The following DNAH17 variants were observed in gnomAD, a reference collection of about 807,000 sequenced individuals.
DNAH17 encodes the protein dynein axonemal heavy chain 17, also known as axonemal beta dynein heavy chain 17.
A neutral mutation model predicts 485.6 loss-of-function variants in DNAH17; 376 were observed. The ratio of observed to expected loss-of-function variants is 0.77; its 90% confidence interval spans 0.71 to 0.84. The LOEUF is 0.84. Ranked by LOEUF, DNAH17 falls within the 40% of genes least tolerant of loss-of-function variation. The pLI is 0.00. For missense variants in DNAH17, 6,370 were observed against 5,839.3 expected (o/e 1.09, Z -2.96); for synonymous variants, 3,031 against 2,405.9 (o/e 1.26, Z -7.60).
At chr17:78,508,855 G>A (rs1221313494) in intron 27 of DNAH17, among the ~76,000 whole-genome samples, 10 of 151,774 alleles carry the variant, frequency 6.6e-5, no homozygotes, top group Non-Finnish European at 2.9e-5. Context: ...AGGCTGGAGT[G>A]CAGCAGCATG....
At chr17:78,480,036 T>TAAGAA (rs1568122317) in intron 49 of DNAH17, among the ~76,000 whole-genome samples, 1 of 73,776 alleles carries the variant, frequency 1.4e-5, no homozygotes, top group African/African-American at 7.9e-5. Context: ...TTTTTTTTTT[T>TAAGAA]TTTTTTTTTT....
Position 78,450,284 on chromosome 17 carries a change from T to G in DNAH17, c.11010A>C (p.Lys3670Asn). The stretch of plus-strand genomic sequence containing the variant: ...GGGAGAACTGGTAGACGGGGTTGAT[T>G]TTGTTGAGATCGTTCAGTATGAAGT... Reference protein sequence around the residue: ...LLYFILNDLNKINPVYQFSLK... With the variant: ...LLYFILNDLNNINPVYQFSLK... Residue 3670 changes from lysine (K) to asparagine (N), a missense_variant, in exon 68 of 81, where the codon AAA becomes AAC. By Grantham distance (94) the Lys-to-Asn change is moderately conservative. Coordinates refer to ENST00000389840, the MANE Select transcript of DNAH17 (RefSeq NM_173628.4). The G allele has an allele frequency of 1.2e-6, 2 of 1,613,852 alleles. No homozygotes were observed. The highest frequency in any genetic ancestry group is 1.7e-6 in the Non-Finnish European group (2 of 1,179,858).
intron 56 of DNAH17, among the ~76,000 whole-genome samples, chr17:78,463,363 T>TGCACAC (rs1384047043): frequency 1.3e-5 from 2 of 152,166 alleles, no homozygotes; most frequent in African/African-American, 4.8e-5. Context: ...CACACACACG[T>TGCACAC]ATATGTGCAC....
At chr17:78,570,115 G>A in intron 7 of DNAH17, 132 bp downstream of exon 7, 2 of 1,084,392 alleles carry the variant, frequency 1.8e-6, no homozygotes, top group Non-Finnish European at 2.6e-6. Context: ...CTCGGGGCCT[G>A]AAAAGGCTTG....
In DNAH17 at chr17:78,492,736, C is replaced by G. The variant is rs1032395061; in HGVS notation, c.6438G>C (p.Gln2146His). The G allele has an allele frequency of 2.5e-6, 4 of 1,612,498 alleles. No individual in the cohort carries two copies. Among genetic ancestry groups the G allele is most frequent in the Non-Finnish European group, 3.4e-6 (4 of 1,179,356 alleles). ...QVLKSLNKTY[Q>H]NLKRKPVAVD... ...CGGCGACCGGCTTCCTCTTCAGGTT[C>G]TGATAGGTCTTGTTGAGGGATTTGA... Residue 2146 changes from glutamine (Q) to histidine (H), a missense_variant, in exon 42 of 81, where the codon CAG (glutamine) becomes CAC (histidine). Physicochemically the swap from Gln to His is conservative, Grantham distance 24 (BLOSUM62 0). Transcript: ENST00000389840.
rs570886625 is a variant in DNAH17, at chr17:78,526,531, C to T, written c.3711+120G>A. The T allele has an allele frequency of 1.7e-5, 14 of 804,604 alleles. No individual in the cohort carries two copies. In the Admixed American group the frequency reaches 1.8e-4, roughly 10 times the overall value. The allele number at this position is 804,604 out of a possible 1,614,324, so 49.8% of individuals were successfully genotyped here. On this transcript the variant is annotated intron_variant, in intron 24 of 80. Coordinates refer to ENST00000389840, the MANE Select transcript of DNAH17 (RefSeq NM_173628.4). ...GCATACACATAAGAGCACTCGTGCA[C>T]GGCCCCAAGGTCAGTCCGGCGGAGA...
intron 63 of DNAH17, 137 bp downstream of exon 63, chr17:78,455,507 A>T: frequency 1.6e-6 from 1 of 617,102 alleles, no homozygotes; most frequent in Non-Finnish European, 2.6e-6. Context: ...TTTTAAATTT[A>T]ATAGAGATGG....
rs1555650529 is a variant in DNAH17 at position 78,432,912 on chromosome 17, C to CCCCG, written c.12225+1116_12225+1117insCGGG. Among the ~76,000 whole-genome samples, 44 of 129,948 alleles carry CCCCG rather than the reference C, an allele frequency of 3.4e-4. 2 individuals are homozygous for CCCCG. The highest frequency in any genetic ancestry group is 1.3e-3 in the African/African-American group (41 of 32,692). The allele number at this position is 129,948 out of a possible 152,430, so 85.3% of individuals were successfully genotyped here. Reference sequence around the variant, plus strand: ...GCAGGCTTCAAACGTGCCCCCCCCCCCCGACCCCGGTGCCAGCACCGTTTC... The same window carrying CCCCG: ...GCAGGCTTCAAACGTGCCCCCCCCCCCCCGCCGACCCCGGTGCCAGCACCGTTTC... On this transcript the variant is annotated intron_variant, in intron 75 of 80. Coordinates refer to ENST00000389840, the MANE Select transcript of DNAH17 (RefSeq NM_173628.4).
At chr17:78,549,690 T>C (rs1486315302) in intron 16 of DNAH17, among the ~76,000 whole-genome samples, 2 of 152,188 alleles carry the variant, frequency 1.3e-5, no homozygotes, top group African/African-American at 4.8e-5. Flanking sequence ...GAGAAAGTGC[T>C]GCCCTGGTCC....
intron 66 of DNAH17, among the ~76,000 whole-genome samples, 193 bp from the exon 67 acceptor site, chr17:78,451,039 G>A (rs963047372): frequency 6.6e-6 from 1 of 152,252 alleles, no homozygotes; most frequent in Admixed American, 6.5e-5. Flanking sequence ...TCCCAGCCTT[G>A]AGGCTTCCTG....
chr17:78,468,109 C>T (rs1018740632), intron 55 of DNAH17, among the ~76,000 whole-genome samples: 6 of 150,126 alleles, frequency 4.0e-5, no homozygotes, highest in Non-Finnish European at 4.4e-5. Flanking sequence ...CACATAGAGT[C>T]GGTTGTCTGT....
chr17:78,429,589 G>A (rs139432269), intron 75 of DNAH17, among the ~76,000 whole-genome samples: 2 of 152,328 alleles, frequency 1.3e-5, no homozygotes, highest in African/African-American at 4.8e-5. Context: ...CAGCCGGCAT[G>A]CTCTGCACCT....
Position 78,486,026 on chromosome 17 carries a change from T to A in DNAH17, c.7209A>T (p.Thr2403=). ...TATCTGTCCAGGGCAGGAACTTTTT[T>A]GTGTCAGGATCAATGTAGTAGTCAA... ...TIFDYYIDPD[T]KKFLPWTDKV... The change falls in exon 46 of 81, where the codon ACA becomes ACT. Residue 2403 remains threonine (T), a synonymous_variant. Transcript: ENST00000389840. 1 of 1,613,960 alleles carries A rather than the reference T, an allele frequency of 6.2e-7. No homozygotes were observed. The highest frequency in any genetic ancestry group is 8.5e-7 in the Non-Finnish European group (1 of 1,179,894).
chr17:78,550,638 C>T (rs147710733), intron 16 of DNAH17, among the ~76,000 whole-genome samples: 19 of 152,100 alleles, frequency 1.2e-4, no homozygotes, highest in Non-Finnish European at 1.9e-4. Context: ...CCAACCCTGC[C>T]GACACCTTAA....
At chr17:78,429,986 G>T (rs562133833) in intron 75 of DNAH17, among the ~76,000 whole-genome samples, 3 of 152,280 alleles carry the variant, frequency 2.0e-5, no homozygotes, top group South Asian at 4.1e-4. Flanking sequence ...GACCAAACTC[G>T]GCAGTGTGGA....
At chr17:78,451,331 G>A in intron 66 of DNAH17, 138 bp downstream of exon 66, 3 of 711,686 alleles carry the variant, frequency 4.2e-6, no homozygotes, top group Non-Finnish European at 6.9e-6. Flanking sequence ...TGATGCCGTG[G>A]GACACACTGA....
chr17:78,459,060 C>T lies in DNAH17; in HGVS notation c.9802G>A (p.Ala3268Thr). ...VAPKRQALEE[A>T]NAELAEAQEK... Reference sequence around the variant, plus strand: ...TGTGCCTCTGCCAGCTCTGCATTAGCCTCCTCCAGTGCCTGCCTCTTGGGC... The same window carrying T: ...TGTGCCTCTGCCAGCTCTGCATTAGTCTCCTCCAGTGCCTGCCTCTTGGGC... Residue 3268 changes from alanine (A) to threonine (T), a missense_variant, in exon 61 of 81, where the codon GCT (alanine) becomes ACT (threonine). Physicochemically the swap from Ala to Thr is moderately conservative, Grantham distance 58 (BLOSUM62 0). Coordinates refer to ENST00000389840, the MANE Select transcript of DNAH17 (RefSeq NM_173628.4). The T allele has an allele frequency of 6.2e-7, 1 of 1,614,030 alleles. No homozygotes were observed. The highest frequency in any genetic ancestry group is 8.5e-7 in the Non-Finnish European group (1 of 1,179,902).
chr17:78,481,550 G>C (rs181948063), intron 48 of DNAH17, among the ~76,000 whole-genome samples: 2 of 152,280 alleles, frequency 1.3e-5, no homozygotes, highest in African/African-American at 4.8e-5. Flanking sequence ...CTGGGAAGTT[G>C]GTTAACATCT....
chr17:78,543,680 C>T, intron 17 of DNAH17, 177 bp downstream of exon 17: 2 of 919,246 alleles, frequency 2.2e-6, no homozygotes, highest in South Asian at 1.4e-5. Context: ...CCGACTCAGC[C>T]TCCCAGAGTG....
Sources: allele counts gnomAD v4.1 joint callset (sites outside exome capture counted in the v4.1 genomes callset), GRCh38; gene constraint gnomAD v4.1.1; transcripts MANE v1.5; gene names NCBI Gene and HGNC (gene_info 2026-07-23, HGNC 2026-07-21).